The following CNTNAP2 variants were observed in gnomAD, a reference collection of about 807,000 sequenced individuals.
CNTNAP2 encodes the protein contactin associated protein 2, also known as contactin-associated protein-like 2.
CNTNAP2 carries 98 observed loss-of-function variants against 155.2 expected under a neutral mutation model. The ratio of observed to expected loss-of-function variants is 0.63; its 90% CI spans 0.54 to 0.75. The LOEUF (loss-of-function observed/expected upper bound fraction) is 0.75. Among genes scored for constraint, CNTNAP2 ranks in the 30% least tolerant of loss-of-function variants. The pLI is 0.00. For missense variants in CNTNAP2, 1,727 were observed against 1,688.1 expected (o/e 1.02, Z -0.40); for synonymous variants, 651 against 631.2 (o/e 1.03, Z -0.47).
chr7:147,892,228 C>T (rs571562836), intron 13 of CNTNAP2, among the ~76,000 whole-genome samples: 1 of 152,100 alleles, frequency 6.6e-6, no homozygotes, highest in East Asian at 1.9e-4. Flanking sequence ...TCAGGAAGCA[C>T]GTAAAGACCG....
chr7:148,313,561 G>A (rs924127385), intron 21 of CNTNAP2, among the ~76,000 whole-genome samples: 1 of 152,162 alleles, frequency 6.6e-6, no homozygotes, highest in African/African-American at 2.4e-5. Context: ...GGCAGCTGCA[G>A]TTCAGGCGTT....
intron 18 of CNTNAP2, among the ~76,000 whole-genome samples, chr7:148,176,093 C>G (rs1456207006): frequency 6.6e-6 from 1 of 151,978 alleles, no homozygotes; most frequent in African/African-American, 2.4e-5. Flanking sequence ...TCATGATCAT[C>G]TCTTCTGCTT....
chr7:147,780,865 G>A (rs977650283), intron 13 of CNTNAP2, among the ~76,000 whole-genome samples: 1 of 152,232 alleles, frequency 6.6e-6, no homozygotes, highest in Admixed American at 6.5e-5. Flanking sequence ...GACTTAGCCA[G>A]GAAGGGAGAA....
At position 146,207,508 on chromosome 7, in the gene CNTNAP2, C is replaced by T. The variant is rs1395339192; in HGVS notation, c.97+90535C>T. Among the ~76,000 whole-genome samples, 20 of 151,942 alleles carry T rather than the reference C, an allele frequency of 1.3e-4. 1 individual carries two copies. The highest frequency in any genetic ancestry group is 1.3e-3 in the Admixed American group (20 of 15,224). On this transcript the variant is annotated intron_variant, in intron 1 of 23. Transcript: ENST00000361727. Reference sequence around the variant, plus strand: ...ATACAAATAACATACTACATTCCTACTAGATTTCCATCAGTTTTAGTTGAA... The same window carrying T: ...ATACAAATAACATACTACATTCCTATTAGATTTCCATCAGTTTTAGTTGAA...
intron 13 of CNTNAP2, among the ~76,000 whole-genome samples, chr7:147,903,038 A>G (rs943244125): frequency 2.6e-4 from 40 of 152,158 alleles, no homozygotes; most frequent in Admixed American, 2.2e-3. Flanking sequence ...TTAGTTCTTT[A>G]AGGAATCTCC....
chr7:146,779,053 A>G (rs1229502678), intron 2 of CNTNAP2, among the ~76,000 whole-genome samples: 8 of 152,176 alleles, frequency 5.3e-5, no homozygotes, highest in South Asian at 2.1e-4. Flanking sequence ...GGAAGAAGTG[A>G]AGACATGAGG....
chr7:146,228,522 A>AT (rs779193516), intron 1 of CNTNAP2, among the ~76,000 whole-genome samples: 2 of 152,172 alleles, frequency 1.3e-5, no homozygotes, highest in South Asian at 4.1e-4. Flanking sequence ...TGGATATTTT[A>AT]TTTTCAGTAT....
chr7:147,981,786 G>GGTATGTGTGTGTGTGTGTGTGT lies in CNTNAP2; in HGVS notation c.2383+3799_2383+3800insATGTGTGTGTGTGTGTGTGTGT, dbSNP rs1483366188. ...TCTGTGAAATGCTTATGTCCTTACA[G>GGTATGTGTGTGTGTGTGTGTGT]GTGTGTGTGTGTGTGTGTGTGTGTG... is the stretch of plus-strand genomic sequence containing the variant. On this transcript the variant is annotated intron_variant, in intron 15 of 23. Coordinates refer to ENST00000361727, the MANE Select transcript of CNTNAP2 (RefSeq NM_014141.6). Among the ~76,000 whole-genome samples, 175 of 143,774 alleles carry GGTATGTGTGTGTGTGTGTGTGT rather than the reference G, an allele frequency of 1.2e-3. 1 individual carries two copies. The highest frequency in any genetic ancestry group is 4.2e-3 in the African/African-American group (164 of 38,738). The allele number at this position is 143,774 out of a possible 152,430, so 94.3% of individuals were successfully genotyped here.
chr7:146,151,682 G>T (rs62504799), intron 1 of CNTNAP2, among the ~76,000 whole-genome samples: 1 of 74,122 alleles, frequency 1.3e-5, no homozygotes, highest in African/African-American at 4.0e-5. Context: ...ATATATATAT[G>T]TATATATATA....
rs140567836 is a variant in CNTNAP2 at position 148,191,255 on chromosome 7, G to GCTCT, written c.3010+18793_3010+18796dup. On this transcript the variant is annotated intron_variant, in intron 18 of 23. Transcript: ENST00000361727. ...GTCTGGTCCCCTTTTGTGCACTCTTGCTCTCTCTCTCTCTCTCTCCCTCTC... is the reference window on the plus strand; with the variant it reads ...GTCTGGTCCCCTTTTGTGCACTCTTGCTCTCTCTCTCTCTCTCTCTCTCCCTCTC... Among the ~76,000 whole-genome samples, 772 of 148,344 alleles carry GCTCT rather than the reference G, an allele frequency of 5.2e-3. 3 individuals are homozygous for GCTCT. Among genetic ancestry groups the GCTCT allele is most frequent in the African/African-American group, 0.018 (730 of 40,520 alleles).
At chr7:147,779,559 T>C (rs1248992282) in intron 13 of CNTNAP2, among the ~76,000 whole-genome samples, 2 of 152,208 alleles carry the variant, frequency 1.3e-5, no homozygotes, top group African/African-American at 4.8e-5. Flanking sequence ...TCTCATTTTT[T>C]CAAGCTGTTT....
chr7:147,490,126 C>CT (rs1406718765), intron 11 of CNTNAP2, among the ~76,000 whole-genome samples: 5 of 152,038 alleles, frequency 3.3e-5, no homozygotes, highest in African/African-American at 1.2e-4. Context: ...TTTTGCAGAT[C>CT]TTTTTATTAA....
At chr7:148,372,553 C>T (rs1370297816) in intron 21 of CNTNAP2, among the ~76,000 whole-genome samples, 1 of 151,256 alleles carries the variant, frequency 6.6e-6, no homozygotes, top group Non-Finnish European at 1.5e-5. Context: ...ACTAAAAATA[C>T]AAAAATTAGC....
chr7:148,321,532 C>T (rs1797790100), intron 21 of CNTNAP2, among the ~76,000 whole-genome samples: 1 of 152,182 alleles, frequency 6.6e-6, no homozygotes, highest in Non-Finnish European at 1.5e-5. Context: ...TGTTGACAGA[C>T]CATGGTTATT....
chr7:147,731,959 G>A (rs777282730), intron 13 of CNTNAP2, among the ~76,000 whole-genome samples: 2 of 152,128 alleles, frequency 1.3e-5, no homozygotes, highest in African/African-American at 2.4e-5. Context: ...CTGAAGGTGT[G>A]ACTGAATTGC....
At position 147,054,592 on chromosome 7, in the gene CNTNAP2, A is replaced by C. The variant is rs371822637; in HGVS notation, c.550+10538A>C. On this transcript the variant is annotated intron_variant, in intron 4 of 23. Transcript: ENST00000361727. Reference sequence around the variant, plus strand: ...ATTTAAAATGCTGCAAATATATATAAGTGATTCCTTTATTAGCTTTTATTC... The same window carrying C: ...ATTTAAAATGCTGCAAATATATATACGTGATTCCTTTATTAGCTTTTATTC... Among the ~76,000 whole-genome samples, 15 of 152,292 alleles carry C rather than the reference A, an allele frequency of 9.8e-5. No individual in the cohort carries two copies. In the South Asian group the frequency reaches 3.1e-3, roughly 32 times the overall value.
At chr7:147,137,352 C>A (rs990423608) in intron 8 of CNTNAP2, among the ~76,000 whole-genome samples, 2 of 151,064 alleles carry the variant, frequency 1.3e-5, no homozygotes, top group Non-Finnish European at 3.0e-5. Flanking sequence ...CATTCCAAAT[C>A]AGAATGAAAT....
At position 146,722,826 on chromosome 7, in the gene CNTNAP2, C is replaced by T. The variant is rs77422806; in HGVS notation, c.98-51445C>T. ...GGTCAGGAGTTCGAGACCAGCTTGT[C>T]CAACATGATGAAACACTATCTCTAC... is the stretch of plus-strand genomic sequence containing the variant. On this transcript the variant is annotated intron_variant, in intron 1 of 23. Coordinates refer to ENST00000361727, the MANE Select transcript of CNTNAP2 (RefSeq NM_014141.6). Among the ~76,000 whole-genome samples the T allele has an allele frequency of 9.8e-3, 1,486 of 152,076 alleles. 31 individuals carry two copies. The highest frequency in any genetic ancestry group is 0.034 in the African/African-American group (1,413 of 41,478).
At chr7:146,148,297 AT>A (rs1463817266) in intron 1 of CNTNAP2, among the ~76,000 whole-genome samples, 5 of 152,052 alleles carry the variant, frequency 3.3e-5, no homozygotes, top group African/African-American at 9.7e-5. Flanking sequence ...TATATAGAGT[AT>A]TTTCTCTTAG....
Sources: allele counts gnomAD v4.1 joint callset (sites outside exome capture counted in the v4.1 genomes callset), GRCh38; gene constraint gnomAD v4.1.1; transcripts MANE v1.5; gene names NCBI Gene and HGNC (gene_info 2026-07-23, HGNC 2026-07-21).